Variants in MTUS2 observed in about 807,000 individuals in gnomAD.
MTUS2 encodes microtubule associated scaffold protein 2, also known as microtubule-associated tumor suppressor candidate 2.
MTUS2 carries 40 observed loss-of-function variants against 114.1 expected under a neutral mutation model. The ratio of observed to expected loss-of-function variants is 0.35; its 90% confidence interval spans 0.27 to 0.46. MTUS2 has a LOEUF of 0.46. MTUS2 is among the 20% of genes least tolerant of loss of function. The pLI is 1.00. For synonymous variants in MTUS2, 688 were observed against 672.0 expected (o/e 1.02, Z -0.37); for missense variants, 1,679 against 1,705.4 (o/e 0.98, Z 0.27).
intron 5 of MTUS2, among the ~76,000 whole-genome samples, chr13:29,128,539 C>A (rs1301210574): frequency 6.6e-6 from 1 of 152,024 alleles, no homozygotes; most frequent in African/African-American, 2.4e-5. Flanking sequence ...GAAAATCTTA[C>A]GGAAGGTGAA....
chr13:29,201,482 T>C (rs1220439318), intron 5 of MTUS2, among the ~76,000 whole-genome samples: 1 of 152,244 alleles, frequency 6.6e-6, no homozygotes, highest in Admixed American at 6.5e-5. Context: ...CTGTGTCTTT[T>C]AATTGGGGCA....
chr13:29,335,123 TA>T (rs1393060559), intron 7 of MTUS2, among the ~76,000 whole-genome samples: 1 of 152,168 alleles, frequency 6.6e-6, no homozygotes, highest in Non-Finnish European at 1.5e-5. Flanking sequence ...CAAAAGCAAA[TA>T]GGAGAAATAT....
intron 12 of MTUS2, among the ~76,000 whole-genome samples, chr13:29,493,412 T>C (rs903362307): frequency 1.3e-5 from 2 of 152,308 alleles, no homozygotes; most frequent in Admixed American, 1.3e-4. Context: ...GGGGCCCTGC[T>C]TCCATTTCCA....
At chr13:29,137,924 A>G (rs565612639) in intron 5 of MTUS2, among the ~76,000 whole-genome samples, 2 of 152,234 alleles carry the variant, frequency 1.3e-5, no homozygotes, top group South Asian at 4.1e-4. Flanking sequence ...AAAATGAAAG[A>G]GGTTGAAAGA....
At chr13:29,430,713 T>C (rs562882320) in intron 8 of MTUS2, among the ~76,000 whole-genome samples, 1 of 152,364 alleles carries the variant, frequency 6.6e-6, no homozygotes, top group East Asian at 1.9e-4. Context: ...TTGCCTACTT[T>C]GCAGAATAAC....
At chr13:29,057,116 G>A (rs1021610214) in intron 4 of MTUS2, among the ~76,000 whole-genome samples, 11 of 151,932 alleles carry the variant, frequency 7.2e-5, no homozygotes, top group Admixed American at 5.9e-4. Flanking sequence ...GTATGGTTTT[G>A]AGCTTAGTAT....
Position 29,202,435 on chromosome 13 carries a change from T to G in MTUS2, c.2645-79269T>G, listed in dbSNP as rs148923805. ...CTTTTTTCAAGGTTCTTAGCTTCCT[T>G]GCCTTGGATTACAACATGCTTCTTT... is the stretch of plus-strand genomic sequence containing the variant. On this transcript the variant is annotated intron_variant, in intron 5 of 15. Transcript: ENST00000612955. Among the ~76,000 whole-genome samples the G allele has an allele frequency of 1.7e-4, 26 of 152,342 alleles. 1 individual carries two copies. The East Asian group carries it at 3.7e-3, about 21-fold the overall frequency.
chr13:29,292,117 T>G (rs1391885901), intron 6 of MTUS2, among the ~76,000 whole-genome samples: 1 of 152,216 alleles, frequency 6.6e-6, no homozygotes, highest in East Asian at 1.9e-4. Flanking sequence ...TTCTTGGGAC[T>G]GTGAGGTGTT....
In MTUS2 at chr13:29,466,876, C is replaced by CAAAA. The variant is rs11296600; in HGVS notation, c.3185-13257_3185-13254dup. On this transcript the variant is annotated intron_variant, in intron 9 of 15. Transcript: ENST00000612955. The stretch of plus-strand genomic sequence containing the variant: ...TCAGTGACAAAGTGAGACCTCATCT[C>CAAAA]AAAAAAAAAAAAAAAAAAAAGAAAA... Among the ~76,000 whole-genome samples, 139 of 87,354 alleles carry CAAAA rather than the reference C, an allele frequency of 1.6e-3. No individual in the cohort carries two copies. The Middle Eastern group carries it at 0.019, about 12-fold the overall frequency. The allele number at this position is 87,354 out of a possible 152,430, so 57.3% of individuals were successfully genotyped here. A position where few individuals can be genotyped will look rare whatever the true frequency, so the allele number is the denominator to read the frequency against.
At chr13:29,368,954 G>A (rs2388092) in intron 8 of MTUS2, among the ~76,000 whole-genome samples, 98,214 of 151,994 alleles carry the variant, frequency 0.65, 31,939 homozygotes, top group East Asian at 0.75. Flanking sequence ...CAGTAGGCCT[G>A]GCAAGGAGAG....
In MTUS2 at chr13:29,306,584, G is replaced by A. The variant is rs115863328; in HGVS notation, c.2807-18029G>A. 5.3e-4 allele frequency among the ~76,000 whole-genome samples: 81 copies of A among 152,266 alleles called. 1 individual carries two copies. The highest frequency in any genetic ancestry group is 7.8e-4 in the Admixed American group (12 of 15,294). On this transcript the variant is annotated intron_variant, in intron 6 of 15. Transcript: ENST00000612955. Reference sequence around the variant, plus strand: ...TGCCTAGAAATACAGCCAACAAGGCGAATGAAGGACCTCTTCAAGGAAAAC... The same window carrying A: ...TGCCTAGAAATACAGCCAACAAGGCAAATGAAGGACCTCTTCAAGGAAAAC...
At chr13:29,012,568 A>G (rs1411634854) in intron 2 of MTUS2, among the ~76,000 whole-genome samples, 1 of 152,152 alleles carries the variant, frequency 6.6e-6, no homozygotes, top group Non-Finnish European at 1.5e-5. Context: ...ACTTAGAAAG[A>G]GATATGCTAA....
At position 29,439,963 on chromosome 13, in the gene MTUS2, A is replaced by G. The variant is rs753454836; in HGVS notation, c.3118-20A>G. 1 of 1,564,408 alleles carries G rather than the reference A, an allele frequency of 6.4e-7. No homozygotes were observed. The highest frequency in any genetic ancestry group is 1.9e-5 in the Admixed American group (1 of 53,202). ...AGCATAAAACTAGGGGACTCTCGGTATCCGTTTTTGTTTTTTCAGAATGAA... is the reference window on the plus strand; with the variant it reads ...AGCATAAAACTAGGGGACTCTCGGTGTCCGTTTTTGTTTTTTCAGAATGAA... On this transcript the variant is annotated intron_variant, in intron 8 of 15. Coordinates refer to ENST00000612955, the MANE Select transcript of MTUS2 (RefSeq NM_001033602.4).
chr13:29,045,332 A>G (rs1173629611), intron 4 of MTUS2, among the ~76,000 whole-genome samples: 4 of 152,132 alleles, frequency 2.6e-5, no homozygotes, highest in African/African-American at 9.7e-5. Context: ...CATTTTTGCC[A>G]TAGCCTTACA....
chr13:28,960,372 G>T (rs542201765), intron 2 of MTUS2, among the ~76,000 whole-genome samples: 1 of 152,138 alleles, frequency 6.6e-6, no homozygotes, highest in Non-Finnish European at 1.5e-5. Context: ...AGTAATTTTA[G>T]TCCTAGGTAT....
intron 6 of MTUS2, among the ~76,000 whole-genome samples, chr13:29,310,448 AAGTT>A (rs1399459871): frequency 5.3e-5 from 8 of 152,370 alleles, no homozygotes; most frequent in Admixed American, 6.5e-5. Context: ...TTAAACAACT[AAGTT>A]AGTATTTAGT....
At chr13:28,859,525 T>C (rs577063071) in intron 2 of MTUS2, among the ~76,000 whole-genome samples, 1 of 152,310 alleles carries the variant, frequency 6.6e-6, no homozygotes, top group African/African-American at 2.4e-5. Context: ...AGGCCCTGTG[T>C]GTGTGGGCAT....
intron 5 of MTUS2, among the ~76,000 whole-genome samples, chr13:29,148,865 T>C (rs905521901): frequency 6.6e-6 from 1 of 152,136 alleles, no homozygotes; most frequent in Non-Finnish European, 1.5e-5. Context: ...CATGATCTTA[T>C]TCCTTTTTAT....
intron 8 of MTUS2, among the ~76,000 whole-genome samples, chr13:29,427,035 C>T (rs1876593028): frequency 6.6e-6 from 1 of 152,228 alleles, no homozygotes; most frequent in Non-Finnish European, 1.5e-5. Context: ...TCTGCCCAAG[C>T]TCACTGCCAA....
Sources: gnomAD v4.1 joint callset for allele counts (sites outside exome capture counted in the v4.1 genomes callset) on GRCh38, gnomAD v4.1.1 for gene constraint, MANE v1.5 for transcripts, NCBI Gene and HGNC (gene_info 2026-07-23, HGNC 2026-07-21) for gene names.